PCSK6: variants seen among roughly 807,000 people sequenced by gnomAD.
PCSK6 encodes proprotein convertase subtilisin/kexin type 6.
Under a neutral mutation model 123.3 loss-of-function variants are expected in PCSK6, and 85 were observed. The ratio of observed to expected loss-of-function variants is 0.69; its 90% CI spans 0.58 to 0.83. The LOEUF is 0.83. Ranked by LOEUF, PCSK6 falls within the 40% of genes least tolerant of loss-of-function variation. The pLI, the probability that PCSK6 is intolerant of heterozygous loss-of-function variation, is 0.00. For missense variants in PCSK6, 1,191 were observed against 1,282.3 expected, an observed-to-expected ratio of 0.93 and a Z score of 1.09; for synonymous variants, 508 against 516.0, an observed-to-expected ratio of 0.98 and a Z score of 0.21.
chr15:101,421,039 C>T (rs545298635), intron 6 of PCSK6, among the ~76,000 whole-genome samples: 1 of 152,204 alleles, frequency 6.6e-6, no homozygotes, highest in East Asian at 1.9e-4. Flanking sequence ...CTCCACCTTA[C>T]AGGTTCAAGC....
chr15:101,382,717 G>A (rs1176165564), intron 10 of PCSK6, among the ~76,000 whole-genome samples: 1 of 152,172 alleles, frequency 6.6e-6, no homozygotes, highest in Non-Finnish European at 1.5e-5. Context: ...ACAGCACAGA[G>A]ACAGGCTTGC....
chr15:101,417,721 A>G (rs1402429700), intron 6 of PCSK6, among the ~76,000 whole-genome samples: 1 of 152,156 alleles, frequency 6.6e-6, no homozygotes, highest in Non-Finnish European at 1.5e-5. Context: ...TCAAGGAATT[A>G]GAACACAGCA....
intron 1 of PCSK6, among the ~76,000 whole-genome samples, chr15:101,474,601 G>C (rs1294948270): frequency 6.6e-6 from 1 of 152,160 alleles, no homozygotes; most frequent in Non-Finnish European, 1.5e-5. Flanking sequence ...TTCTATCTCT[G>C]CTTTTATCCT....
intron 13 of PCSK6, among the ~76,000 whole-genome samples, chr15:101,343,015 T>C (rs570339677): frequency 6.6e-5 from 10 of 152,352 alleles, no homozygotes; most frequent in African/African-American, 1.7e-4. Context: ...TCCATTTAAA[T>C]GTTTGGCAGA....
chr15:101,338,415 T>A (rs2040531395), intron 13 of PCSK6, among the ~76,000 whole-genome samples: 1 of 151,988 alleles, frequency 6.6e-6, no homozygotes, highest in South Asian at 2.1e-4. Context: ...GGCCGGCCCC[T>A]CCACACTCAG....
intron 1 of PCSK6, among the ~76,000 whole-genome samples, chr15:101,456,478 T>C (rs2057184017): frequency 6.6e-6 from 1 of 152,122 alleles, no homozygotes; most frequent in Non-Finnish European, 1.5e-5. Context: ...AACAAATATC[T>C]GGGCAGCTGC....
intron 1 of PCSK6, chr15:101,462,944 A>C: frequency 2.2e-6 from 1 of 449,330 alleles, no homozygotes; most frequent in Non-Finnish European, 4.5e-6. Flanking sequence ...CTTGCAAGGC[A>C]GCAGCCCCAG....
intron 6 of PCSK6, among the ~76,000 whole-genome samples, chr15:101,424,259 A>C (rs564723008): frequency 6.6e-6 from 1 of 151,646 alleles, no homozygotes; most frequent in African/African-American, 2.4e-5. Context: ...AAGGAGCCAT[A>C]GGAACAAATC....
intron 20 of PCSK6, chr15:101,307,542 G>A: frequency 3.9e-6 from 2 of 507,956 alleles, no homozygotes; most frequent in South Asian, 4.7e-5. Flanking sequence ...GGAGGGCAGA[G>A]ACAGCCATGG....
Position 101,382,289 on chromosome 15 carries a change from G to T in PCSK6, c.1415-80C>A, listed in dbSNP as rs543262465. 21 of 1,123,668 alleles carry T rather than the reference G, an allele frequency of 1.9e-5. No individual in the cohort carries two copies. In the African/African-American group the frequency reaches 3.1e-4, roughly 16 times the overall value. 69.6% of individuals were successfully genotyped at this position (1,123,668 alleles called of 1,614,324 possible). On this transcript the variant is annotated intron_variant, in intron 10 of 21. Transcript: ENST00000611716. ...CAAGGCTGGCTCTTGCATCTGCCGG[G>T]CCCCATGGAGGACAGAGGGACCGTA...
intron 8 of PCSK6, among the ~76,000 whole-genome samples, chr15:101,390,458 T>G (rs2042200255): frequency 6.6e-6 from 1 of 151,092 alleles, no homozygotes; most frequent in Admixed American, 6.6e-5. Flanking sequence ...CTGGATTATC[T>G]GAGTAGACCT....
intron 1 of PCSK6, among the ~76,000 whole-genome samples, chr15:101,453,460 G>A (rs962753663): frequency 5.3e-5 from 8 of 152,180 alleles, no homozygotes; most frequent in Middle Eastern, 3.2e-3. Context: ...AGGTACCCCC[G>A]ATGCCCACAG....
chr15:101,346,897 G>C (rs1026301673), intron 13 of PCSK6: 2 of 1,231,748 alleles, frequency 1.6e-6, no homozygotes, highest in Non-Finnish European at 2.0e-6. Flanking sequence ...CCCGAGATAA[G>C]TGGGGATACA....
intron 6 of PCSK6, among the ~76,000 whole-genome samples, chr15:101,426,861 A>G (rs115465316): frequency 2.1e-4 from 31 of 148,144 alleles, no homozygotes; most frequent in African/African-American, 7.1e-4. Flanking sequence ...ACCAAGGCTC[A>G]GTGGCAGGAT....
chr15:101,482,190 G>A (rs373857725), intron 1 of PCSK6, among the ~76,000 whole-genome samples: 80 of 152,270 alleles, frequency 5.3e-4, no homozygotes, highest in African/African-American at 1.4e-3. Context: ...TGTGGGGTCC[G>A]GCCCTGGCCT....
intron 10 of PCSK6, 186 bp downstream of exon 10, chr15:101,384,136 C>T (rs1048171786): frequency 1.7e-5 from 24 of 1,397,134 alleles, no homozygotes; most frequent in Admixed American, 5.6e-5. Flanking sequence ...AGGGTTCTTC[C>T]GTAATGTCAC....
chr15:101,407,823 C>T (rs1478602538), intron 6 of PCSK6, among the ~76,000 whole-genome samples: 1 of 152,232 alleles, frequency 6.6e-6, no homozygotes. Context: ...CTTTTCAATG[C>T]ATGGCAGTGG....
chr15:101,489,235 G>T, intron 1 of PCSK6, 139 bp downstream of exon 1: 1 of 404,168 alleles, frequency 2.5e-6, no homozygotes, highest in Non-Finnish European at 3.1e-6. Context: ...CCGGCCGCCC[G>T]CCGTCCCCAA....
At chr15:101,415,750 AT>A (rs1486660427) in intron 6 of PCSK6, among the ~76,000 whole-genome samples, 1 of 152,146 alleles carries the variant, frequency 6.6e-6, no homozygotes, top group Non-Finnish European at 1.5e-5. Context: ...TTCCTGTGCT[AT>A]TTTTGTGATA....
Sources: gnomAD v4.1 joint callset for allele counts (sites outside exome capture counted in the v4.1 genomes callset) on GRCh38, gnomAD v4.1.1 for gene constraint, MANE v1.5 for transcripts, NCBI Gene and HGNC (gene_info 2026-07-23, HGNC 2026-07-21) for gene names.